Variants in CCNY observed in about 807,000 individuals in gnomAD.
CCNY encodes the protein cyclin-Y.
Under a neutral mutation model 42.8 loss-of-function variants are expected in CCNY, and 19 were observed. The observed-to-expected ratio is 0.44, with a 90% confidence interval of 0.31 to 0.65. The LOEUF (loss-of-function observed/expected upper bound fraction) is 0.65, where lower values mean the gene tolerates loss of function less well. CCNY is among the 30% of genes least tolerant of loss of function. The pLI is 0.07. For synonymous variants in CCNY, 165 were observed against 162.7 expected (o/e 1.01, Z -0.11); for missense variants, 370 against 437.3 (o/e 0.85, Z 1.37).
intron 1 of CCNY, among the ~76,000 whole-genome samples, chr10:35,406,508 T>G (rs1837776597): frequency 6.6e-6 from 1 of 151,930 alleles, no homozygotes. Context: ...TAACCCTGAG[T>G]GGACACAGCA....
chr10:35,538,652 G>C (rs909598219), intron 7 of CCNY, among the ~76,000 whole-genome samples: 1 of 152,074 alleles, frequency 6.6e-6, no homozygotes, highest in Non-Finnish European at 1.5e-5. Flanking sequence ...TTTTAAGAAC[G>C]GGTTGTCTTT....
chr10:35,540,646 T>G (rs1840980920), intron 7 of CCNY, among the ~76,000 whole-genome samples: 1 of 151,948 alleles, frequency 6.6e-6, no homozygotes, highest in South Asian at 2.1e-4. Context: ...GCCATGTTGG[T>G]CAGGGTTTTT....
intron 8 of CCNY, among the ~76,000 whole-genome samples, chr10:35,558,559 A>G (rs1841405603): frequency 6.6e-6 from 1 of 152,186 alleles, no homozygotes; most frequent in East Asian, 1.9e-4. Context: ...CCTAACCCCC[A>G]GACCCTCAGA....
intron 3 of CCNY, among the ~76,000 whole-genome samples, chr10:35,257,880 A>T (rs1376394407): frequency 2.0e-5 from 3 of 152,158 alleles, no homozygotes; most frequent in African/African-American, 7.2e-5. Flanking sequence ...ATGTTGGTCT[A>T]CTTGGTGGTG....
At chr10:35,469,354 C>T (rs1170459424) in intron 1 of CCNY, among the ~76,000 whole-genome samples, 1 of 152,222 alleles carries the variant, frequency 6.6e-6, no homozygotes, top group East Asian at 1.9e-4. Context: ...TGTCTTTAGT[C>T]TTAACATTAG....
At chr10:35,275,762 C>CAAAAAAAAAAA (rs879751962) in intron 3 of CCNY, among the ~76,000 whole-genome samples, 1 of 137,436 alleles carries the variant, frequency 7.3e-6, no homozygotes. Context: ...GACTCCGTCT[C>CAAAAAAAAAAA]AAAAAAAAAA....
chr10:35,513,224 T>C (rs546038053), intron 3 of CCNY, among the ~76,000 whole-genome samples: 21 of 152,304 alleles, frequency 1.4e-4, no homozygotes, highest in Admixed American at 5.2e-4. Context: ...ATCTGTAAGG[T>C]TCACATTATT....
chr10:35,492,806 C>T (rs1839926601), intron 2 of CCNY, among the ~76,000 whole-genome samples: 1 of 152,226 alleles, frequency 6.6e-6, no homozygotes, highest in Non-Finnish European at 1.5e-5. Context: ...GCAGCTTTAC[C>T]TTCTCCTACC....
chr10:35,467,390 C>T lies in CCNY; in HGVS notation c.155-16014C>T, dbSNP rs111971490. Among the ~76,000 whole-genome samples the T allele has an allele frequency of 3.4e-3, 515 of 152,304 alleles. 4 individuals are homozygous for T. The highest frequency in any genetic ancestry group is 0.012 in the African/African-American group (483 of 41,550). ...GTACAGTTTCTCATTGTGTGGGACA[C>T]TGGTGTGGAAAAATAGCAGCCACTT... On this transcript the variant is annotated intron_variant, in intron 1 of 9. Transcript: ENST00000374704.
At chr10:35,262,282 AT>A (rs2095720449) in intron 3 of CCNY, among the ~76,000 whole-genome samples, 1 of 148,010 alleles carries the variant, frequency 6.8e-6, no homozygotes, top group Non-Finnish European at 1.5e-5. Flanking sequence ...AAAAAAAAGA[AT>A]TGAATAGTAT....
At chr10:35,376,638 G>T (rs141988086) in intron 1 of CCNY, among the ~76,000 whole-genome samples, 1 of 152,084 alleles carries the variant, frequency 6.6e-6, no homozygotes, top group Non-Finnish European at 1.5e-5. Context: ...TCCCAAATCC[G>T]AAAAAGCCTT....
intron 2 of CCNY, among the ~76,000 whole-genome samples, chr10:35,488,095 A>T (rs1405959102): frequency 1.3e-5 from 2 of 152,200 alleles, no homozygotes; most frequent in Non-Finnish European, 2.9e-5. Flanking sequence ...GGAGGAAAAA[A>T]CCCTAAGTTT....
intron 1 of CCNY, among the ~76,000 whole-genome samples, chr10:35,473,944 A>G (rs903453050): frequency 6.6e-6 from 1 of 152,166 alleles, no homozygotes; most frequent in African/African-American, 2.4e-5. Context: ...TGCGCGCACC[A>G]TGCGCGAGCC....
intron 3 of CCNY, among the ~76,000 whole-genome samples, chr10:35,307,809 TATATA>T (rs1315122865): frequency 5.4e-5 from 4 of 74,494 alleles, no homozygotes; most frequent in African/African-American, 1.2e-4. Flanking sequence ...TGTATATATA[TATATA>T]TATATTTTTT....
At chr10:35,513,859 A>G (rs1248038177) in intron 3 of CCNY, among the ~76,000 whole-genome samples, 9 of 152,204 alleles carry the variant, frequency 5.9e-5, no homozygotes, top group Non-Finnish European at 1.5e-5. Flanking sequence ...CCAGTGTTTC[A>G]GAATCATGGA....
chr10:35,540,192 T>C (rs895601067), intron 7 of CCNY, among the ~76,000 whole-genome samples: 4 of 152,232 alleles, frequency 2.6e-5, no homozygotes, highest in African/African-American at 9.6e-5. Flanking sequence ...AAATGTTCTG[T>C]GTGCTGTGTG....
In CCNY at chr10:35,491,481, T is replaced by C. The variant is rs112705026; in HGVS notation, c.229+8003T>C. ...ACCCCGTCCTGCCAGTGTAAGCATGTGTTCCAGAGATGTTTTCTGCCGCCT... is the reference window on the plus strand; with the variant it reads ...ACCCCGTCCTGCCAGTGTAAGCATGCGTTCCAGAGATGTTTTCTGCCGCCT... On this transcript the variant is annotated intron_variant, in intron 2 of 9. Coordinates refer to ENST00000374704, the MANE Select transcript of CCNY (RefSeq NM_145012.6). 3.4e-3 allele frequency among the ~76,000 whole-genome samples: 513 copies of C among 152,296 alleles called. 4 individuals are homozygous for C. The highest frequency in any genetic ancestry group is 0.012 in the African/African-American group (483 of 41,570).
At chr10:35,268,540 C>G (rs1388524744) in intron 3 of CCNY, among the ~76,000 whole-genome samples, 1 of 152,158 alleles carries the variant, frequency 6.6e-6, no homozygotes, top group Non-Finnish European at 1.5e-5. Flanking sequence ...GTGCTGGTGG[C>G]CCCACAAGTC....
intron 1 of CCNY, among the ~76,000 whole-genome samples, chr10:35,371,572 A>T (rs546696820): frequency 6.6e-6 from 1 of 152,098 alleles, no homozygotes; most frequent in South Asian, 2.1e-4. Context: ...TTCCCAACCA[A>T]GTCTGGCTGT....
Sources: allele counts gnomAD v4.1 joint callset (sites outside exome capture counted in the v4.1 genomes callset), GRCh38; gene constraint gnomAD v4.1.1; transcripts MANE v1.5; gene names NCBI Gene and HGNC (gene_info 2026-07-23, HGNC 2026-07-21).